The following CLNK variants were observed in gnomAD, a reference collection of about 807,000 sequenced individuals.
CLNK encodes the protein cytokine-dependent hematopoietic cell linker.
CLNK carries 74 observed loss-of-function variants against 68.6 expected under a neutral mutation model. The observed-to-expected ratio is 1.08, with a 90% CI of 0.89 to 1.31. CLNK has a LOEUF of 1.31. CLNK is among the 50% of genes most tolerant of loss of function. The pLI, the probability that CLNK is intolerant of heterozygous loss-of-function variation, is 0.00. For synonymous variants in CLNK, 198 were observed against 172.2 expected (o/e 1.15, Z -1.17); for missense variants, 553 against 515.3 (o/e 1.07, Z -0.71).
chr4:10,538,215 T>TTAACCCTTTAA (rs1718874472), intron 11 of CLNK, among the ~76,000 whole-genome samples: 3 of 152,170 alleles, frequency 2.0e-5, no homozygotes, highest in Non-Finnish European at 4.4e-5. Context: ...CTGCAACCCT[T>TTAACCCTTTAA]GCCTCCTAGG....
intron 15 of CLNK, 107 bp from the exon 16 acceptor site, chr4:10,513,704 G>C: frequency 9.1e-7 from 1 of 1,103,816 alleles, no homozygotes; most frequent in Non-Finnish European, 1.2e-6. Context: ...TATCTGTGAG[G>C]ACCTTCTTGG....
intron 18 of CLNK, among the ~76,000 whole-genome samples, chr4:10,498,957 A>G (rs1033842590): frequency 6.6e-6 from 1 of 152,014 alleles, no homozygotes; most frequent in African/African-American, 2.4e-5. Flanking sequence ...TTTATTCTTT[A>G]ATTCATTGTA....
chr4:10,521,468 G>A (rs1242850992), intron 14 of CLNK, among the ~76,000 whole-genome samples: 1 of 152,018 alleles, frequency 6.6e-6, no homozygotes, highest in African/African-American at 2.4e-5. Context: ...ATTGTGGTCA[G>A]TATCATCAAC....
intron 2 of CLNK, among the ~76,000 whole-genome samples, chr4:10,620,946 C>CAA (rs3030347): frequency 0.57 from 81,879 of 143,490 alleles, 23,878 homozygotes; most frequent in Non-Finnish European, 0.67. Flanking sequence ...ACTAAAAATA[C>CAA]AAAAAAAAAA....
intron 3 of CLNK, among the ~76,000 whole-genome samples, chr4:10,597,760 T>C (rs1468961885): frequency 6.6e-6 from 1 of 152,136 alleles, no homozygotes; most frequent in Admixed American, 6.5e-5. Context: ...TGCAGAGCTG[T>C]GGAGGTGGGG....
chr4:10,487,057 A>G lies in CLNK; in HGVS notation c.*3410T>C, dbSNP rs1716380117. 6.6e-6 allele frequency: 1 copy of G among 152,236 alleles called. No homozygotes were observed. The highest frequency in any genetic ancestry group is 2.4e-5 in the African/African-American group (1 of 41,462). The allele number at this position is 152,236 out of a possible 1,614,324, so 9.4% of individuals were successfully genotyped here. The stretch of plus-strand genomic sequence containing the variant: ...GAATGAGAATTATTTAGTCCAAAAA[A>G]TATCTGGAAAGCATAAATGCTGTAA... On this transcript the variant is annotated 3_prime_UTR_variant, in exon 19 of 19. Coordinates refer to ENST00000226951, the MANE Select transcript of CLNK (RefSeq NM_052964.4).
intron 11 of CLNK, among the ~76,000 whole-genome samples, chr4:10,534,038 G>A (rs1718651113): frequency 6.6e-6 from 1 of 152,142 alleles, no homozygotes; most frequent in Admixed American, 6.5e-5. Context: ...TTGTTAAACA[G>A]TTTTACTAAG....
chr4:10,565,332 C>T (rs1720064572), intron 6 of CLNK, among the ~76,000 whole-genome samples: 1 of 152,192 alleles, frequency 6.6e-6, no homozygotes, highest in Admixed American at 6.6e-5. Context: ...ATGACTTTCT[C>T]CAAATACACT....
the CLNK span, among the ~76,000 whole-genome samples, chr4:10,731,921 T>A: frequency 6.6e-6 from 1 of 152,200 alleles, no homozygotes; most frequent in African/African-American, 2.4e-5. Context: ...AGCAACGGTC[T>A]CTCTGAGTGG....
intron 12 of CLNK, among the ~76,000 whole-genome samples, chr4:10,528,854 A>T (rs1718425212): frequency 6.6e-6 from 1 of 152,216 alleles, no homozygotes; most frequent in African/African-American, 2.4e-5. Flanking sequence ...TAAGCATGGA[A>T]ATATTCACAT....
intron 12 of CLNK, among the ~76,000 whole-genome samples, chr4:10,529,570 C>T (rs1718455414): frequency 6.6e-6 from 1 of 152,312 alleles, no homozygotes; most frequent in East Asian, 1.9e-4. Flanking sequence ...GGAAAGAGGA[C>T]ATACATTTCA....
intron 14 of CLNK, chr4:10,524,005 C>T: frequency 4.0e-6 from 1 of 251,660 alleles, no homozygotes; most frequent in Non-Finnish European, 8.2e-6. Context: ...AGAATAAAAC[C>T]CTGTCTCAAA....
At chr4:10,569,009 C>T (rs1279500625) in intron 5 of CLNK, among the ~76,000 whole-genome samples, 1 of 152,150 alleles carries the variant, frequency 6.6e-6, no homozygotes, top group East Asian at 1.9e-4. Context: ...GACACTATCA[C>T]AGTAAAAGCA....
intron 1 of CLNK, among the ~76,000 whole-genome samples, chr4:10,680,736 T>A (rs1327978670): frequency 6.6e-6 from 1 of 152,182 alleles, no homozygotes; most frequent in Non-Finnish European, 1.5e-5. Flanking sequence ...TTTTATTCCA[T>A]TTTATAAAGG....
chr4:10,503,410 C>T (rs867562171), intron 17 of CLNK, among the ~76,000 whole-genome samples: 3 of 150,350 alleles, frequency 2.0e-5, no homozygotes, highest in Admixed American at 6.6e-5. Context: ...TGCAGTGAGC[C>T]GAGATCATGC....
Position 10,674,327 on chromosome 4 carries a change from A to G in CLNK, c.-42-6416T>C, listed in dbSNP as rs941671078. On this transcript the variant is annotated intron_variant, in intron 1 of 18. Transcript: ENST00000226951. ...ATGATGCCAGCTTATTTCTCCAACA[A>G]GAAAAAACACCACTGTACTGAGTGC... Among the ~76,000 whole-genome samples the G allele has an allele frequency of 2.6e-5, 4 of 152,210 alleles. No individual in the cohort carries two copies. In the East Asian group the frequency reaches 7.7e-4, roughly 29 times the overall value.
intron 8 of CLNK, among the ~76,000 whole-genome samples, chr4:10,547,866 C>T (rs994561950): frequency 6.6e-6 from 1 of 151,936 alleles, no homozygotes; most frequent in African/African-American, 2.4e-5. Context: ...GTGTATATAC[C>T]ACAATTTTTT....
intron 1 of CLNK, among the ~76,000 whole-genome samples, chr4:10,678,249 G>A (rs1373186774): frequency 6.6e-6 from 1 of 152,190 alleles, no homozygotes; most frequent in Non-Finnish European, 1.5e-5. Flanking sequence ...TCTGAAAGAT[G>A]AGGCTATGAG....
At chr4:10,571,365 G>T (rs1395115275) in intron 5 of CLNK, among the ~76,000 whole-genome samples, 3 of 111,428 alleles carry the variant, frequency 2.7e-5, no homozygotes, top group African/African-American at 1.1e-4. Flanking sequence ...ACAGAGTTTC[G>T]CTCTTGCCGC....
Sources: gnomAD v4.1 joint callset for allele counts (sites outside exome capture counted in the v4.1 genomes callset) on GRCh38, gnomAD v4.1.1 for gene constraint, MANE v1.5 for transcripts, NCBI Gene and HGNC (gene_info 2026-07-23, HGNC 2026-07-21) for gene names.